PPP2R2D: variants seen among roughly 807,000 people sequenced by gnomAD.
PPP2R2D encodes the protein protein phosphatase 2 regulatory subunit Bdelta.
In PPP2R2D, 9 loss-of-function variants were observed where a neutral mutation model predicts 31.1. The ratio of observed to expected loss-of-function variants is 0.29; its 90% confidence interval spans 0.17 to 0.51. The LOEUF is 0.51. Among genes scored for constraint, PPP2R2D ranks in the 20% least tolerant of loss-of-function variants. PPP2R2D has a pLI of 0.98. For missense variants in PPP2R2D, 391 were observed against 465.6 expected (o/e 0.84, Z 1.48); for synonymous variants, 179 against 172.6 (o/e 1.04, Z -0.29).
Position 131,947,848 on chromosome 10 carries a change from A to G in PPP2R2D, c.1082+57A>G. The stretch of plus-strand genomic sequence containing the variant: ...CAAGCTTGCTGGTTTCCGAGAGTGC[A>G]AGGTCAGTGAGGGAGGCGAGCTGTC... On this transcript the variant is annotated intron_variant, in intron 8 of 8. Transcript: ENST00000455566. This position sits in a 1 kb window ranked among gnomAD's most constrained non-coding sequence, Gnocchi z 4.3. 6.3e-7 allele frequency: 1 copy of G among 1,588,640 alleles called. No homozygotes were observed. The highest frequency in any genetic ancestry group is 8.6e-7 in the Non-Finnish European group (1 of 1,163,456).
rs2036557495 is a variant in PPP2R2D at position 131,947,131 on chromosome 10, C to T, written c.821-399C>T. Among the ~76,000 whole-genome samples, 1 of 152,140 alleles carries T rather than the reference C, an allele frequency of 6.6e-6. No homozygotes were observed. Among genetic ancestry groups the T allele is most frequent in the Non-Finnish European group, 1.5e-5 (1 of 68,034 alleles). On this transcript the variant is annotated intron_variant, in intron 7 of 8. Coordinates refer to ENST00000455566, the MANE Select transcript of PPP2R2D (RefSeq NM_018461.5). This position sits in a 1 kb window ranked among gnomAD's most constrained non-coding sequence, Gnocchi z 4.3. ...TGTATGCGATAGAATTTCACGTGCT[C>T]GGGCCTGGTGCCATGAGGACGCGGA...
At chr10:131,943,917 T>C (rs1254026249) in intron 5 of PPP2R2D, 51 bp from the exon 6 acceptor site, 8 of 746,742 alleles carry the variant, frequency 1.1e-5, no homozygotes, top group Non-Finnish European at 2.0e-5. Context: ...GTGTTCTAAT[T>C]ATGTGCTGCT....
At chr10:131,927,817 G>A (rs1554895156) in intron 2 of PPP2R2D, among the ~76,000 whole-genome samples, 1 of 152,224 alleles carries the variant, frequency 6.6e-6, no homozygotes, top group Non-Finnish European at 1.5e-5. Flanking sequence ...ATGTTCTGTT[G>A]TATGAATATG....
At chr10:131,953,037 AG>A (rs2036709010) in intron 8 of PPP2R2D, among the ~76,000 whole-genome samples, 3 of 57,830 alleles carry the variant, frequency 5.2e-5, no homozygotes, top group Non-Finnish European at 9.7e-5. Flanking sequence ...GCGGGTGTGC[AG>A]GGGGTTTCAC....
At chr10:131,936,538 A>G (rs1236897201) in intron 3 of PPP2R2D, among the ~76,000 whole-genome samples, 1 of 152,244 alleles carries the variant, frequency 6.6e-6, no homozygotes, top group Non-Finnish European at 1.5e-5. Context: ...CATTGTAGCG[A>G]TAGCCTTAGG....
intron 3 of PPP2R2D, among the ~76,000 whole-genome samples, chr10:131,937,021 C>T (rs1589949093): frequency 6.6e-6 from 1 of 152,308 alleles, no homozygotes; most frequent in Admixed American, 6.5e-5. Context: ...AAGCTGCTGC[C>T]CATCAAGCGA....
chr10:131,953,298 CTGTCT>C (rs2036722455), intron 8 of PPP2R2D, among the ~76,000 whole-genome samples: 2 of 106,486 alleles, frequency 1.9e-5, no homozygotes, highest in South Asian at 3.3e-4. Context: ...CGGGGGTTCA[CTGTCT>C]TAGTGACTTG....
At chr10:131,961,759 C>T (rs1303798918), downstream of PPP2R2D, among the ~76,000 whole-genome samples, 1 of 152,162 alleles carries the variant, frequency 6.6e-6, no homozygotes, top group Non-Finnish European at 1.5e-5. Flanking sequence ...ACAGCGGCTG[C>T]GACTTGCCTC....
intron 5 of PPP2R2D, among the ~76,000 whole-genome samples, chr10:131,943,748 C>T (rs145288826): frequency 6.6e-6 from 1 of 152,294 alleles, no homozygotes; most frequent in East Asian, 1.9e-4. Context: ...AACATGTCGA[C>T]CTCGGTAATG....
chr10:131,969,665 C>T, the PPP2R2D span: 1 of 152,414 alleles, frequency 6.6e-6, no homozygotes, highest in Non-Finnish European at 1.5e-5. Context: ...CCCACCTGCC[C>T]CCAGTGGCAT....
At chr10:131,909,530 C>G (rs1444953063) in intron 2 of PPP2R2D, among the ~76,000 whole-genome samples, 1 of 152,208 alleles carries the variant, frequency 6.6e-6, no homozygotes, top group Admixed American at 6.6e-5. Context: ...GTCCCTGTTG[C>G]AACGACTGAA....
intron 2 of PPP2R2D, among the ~76,000 whole-genome samples, chr10:131,920,860 T>C (rs1554894153): frequency 6.6e-6 from 1 of 152,020 alleles, no homozygotes; most frequent in East Asian, 1.9e-4. Context: ...ACCCGGGAGG[T>C]GGAGGAGGTT....
chr10:131,971,136 TC>T, the PPP2R2D span: 1 of 652,920 alleles, frequency 1.5e-6, no homozygotes. Context: ...CTGGGGGCCT[TC>T]CCCGGGCCGC....
At chr10:131,935,930 G>T (rs2036331421) in intron 3 of PPP2R2D, among the ~76,000 whole-genome samples, 1 of 151,972 alleles carries the variant, frequency 6.6e-6, no homozygotes, top group South Asian at 2.1e-4. Flanking sequence ...GGGTGTGGTG[G>T]CACATGCCTG....
intron 8 of PPP2R2D, among the ~76,000 whole-genome samples, chr10:131,951,654 C>G (rs982359248): frequency 6.6e-6 from 1 of 152,102 alleles, no homozygotes; most frequent in Admixed American, 6.5e-5. Context: ...AACCCCATCT[C>G]TACTAGAAAT....
intron 2 of PPP2R2D, among the ~76,000 whole-genome samples, chr10:131,903,305 A>C (rs911240462): frequency 2.6e-5 from 4 of 151,984 alleles, no homozygotes; most frequent in Non-Finnish European, 4.4e-5. Context: ...CGTCTCTGCT[A>C]AAAATACAGA....
chr10:131,941,147 AGATGCTGAT>A (rs1168120613), intron 5 of PPP2R2D, among the ~76,000 whole-genome samples: 1 of 152,184 alleles, frequency 6.6e-6, no homozygotes, highest in Non-Finnish European at 1.5e-5. Context: ...TGGTTTAGGC[AGATGCTGAT>A]GGTTCAGAAC....
At chr10:131,907,782 A>G (rs911402895) in intron 2 of PPP2R2D, among the ~76,000 whole-genome samples, 20 of 151,892 alleles carry the variant, frequency 1.3e-4, no homozygotes, top group Non-Finnish European at 2.2e-4. Flanking sequence ...CATCATGCTT[A>G]GTACAGCCAC....
intron 2 of PPP2R2D, among the ~76,000 whole-genome samples, chr10:131,908,673 A>C (rs1298886808): frequency 6.6e-6 from 1 of 152,204 alleles, no homozygotes. Flanking sequence ...TTAAACGGGT[A>C]CTATTACTTG....
Sources: allele counts gnomAD v4.1 joint callset (sites outside exome capture counted in the v4.1 genomes callset), GRCh38; gene constraint gnomAD v4.1.1; non-coding constraint Gnocchi (gnomAD v3.1); transcripts MANE v1.5; gene names NCBI Gene and HGNC (gene_info 2026-07-23, HGNC 2026-07-21).